TAS1R2: variants seen among roughly 807,000 people sequenced by gnomAD.
The protein encoded by TAS1R2 is taste 1 receptor member 2.
TAS1R2 carries 47 observed loss-of-function variants against 49.3 expected under a neutral mutation model. The ratio of observed to expected loss-of-function variants is 0.95; its 90% CI spans 0.75 to 1.22. The LOEUF is 1.22. TAS1R2 is among the 50% of genes most tolerant of loss of function. The pLI is 0.00. For synonymous variants in TAS1R2, 479 were observed against 467.9 expected, an observed-to-expected ratio of 1.02 and a Z score of -0.31; for missense variants, 1,155 against 1,122.1, an observed-to-expected ratio of 1.03 and a Z score of -0.42.
At chr1:18,842,783 A>C (rs1220775270) in intron 4 of TAS1R2, among the ~76,000 whole-genome samples, 2 of 152,232 alleles carry the variant, frequency 1.3e-5, no homozygotes, top group African/African-American at 4.8e-5. Flanking sequence ...TGGTTGCCAG[A>C]GGCTGGAGGA....
At chr1:18,849,231 T>G in intron 4 of TAS1R2, 110 bp downstream of exon 4, 3 of 1,140,810 alleles carry the variant, frequency 2.6e-6, no homozygotes, top group Non-Finnish European at 3.7e-6. Context: ...CCCCCAGAGA[T>G]TGATAAAGCA....
intron 3 of TAS1R2, among the ~76,000 whole-genome samples, chr1:18,852,338 G>A (rs1447781790): frequency 6.6e-6 from 1 of 152,180 alleles, no homozygotes; most frequent in East Asian, 1.9e-4. Context: ...GGAACAGCTG[G>A]AGTCCAGCCC....
At position 18,854,901 on chromosome 1, in the gene TAS1R2, T is replaced by A; in HGVS notation, c.569A>T (p.His190Leu). The A allele has an allele frequency of 6.2e-7, 1 of 1,613,272 alleles. No homozygotes were observed. Residue 190 changes from histidine to leucine, a missense_variant, in exon 3 of 6, where the codon CAC becomes CTC. Physicochemically the swap from His to Leu is moderately conservative, Grantham distance 99. Coordinates refer to ENST00000375371, the Ensembl canonical transcript of TAS1R2. The surrounding 1 kb of genome is among the most constrained non-coding windows in gnomAD (Gnocchi z 4.9). ...CATCAGCTGCACCATGGCCTCGATG[T>A]GGTGGTCGGCGCTGGGTGTGGTACG...
intron 3 of TAS1R2, among the ~76,000 whole-genome samples, chr1:18,850,042 T>C (rs977047487): frequency 1.3e-5 from 2 of 152,254 alleles, no homozygotes; most frequent in East Asian, 1.9e-4. Flanking sequence ...CAAAGGCCAA[T>C]TGGGGTCTCC....
intron 3 of TAS1R2, among the ~76,000 whole-genome samples, chr1:18,852,653 G>C (rs531446399): frequency 1.3e-5 from 2 of 152,258 alleles, no homozygotes; most frequent in African/African-American, 4.8e-5. Flanking sequence ...CGGGGCACTA[G>C]ATGCCCTCCA....
chr1:18,854,068 A>G lies in TAS1R2; in HGVS notation c.1257+145T>C, dbSNP rs886850433. On this transcript the variant is annotated intron_variant, in intron 3 of 5. Transcript: ENST00000375371. This position sits in a 1 kb window ranked among gnomAD's most constrained non-coding sequence, Gnocchi z 4.9. ...TGGTGAGTGTTCAATTAATTTAAAA[A>G]GCAATTTTGTTTTGGCACCAGGAAG... 2.7e-6 allele frequency: 2 copies of G among 747,862 alleles called. No homozygotes were observed. The highest frequency in any genetic ancestry group is 4.2e-6 in the Non-Finnish European group (2 of 471,362). The allele number at this position is 747,862 out of a possible 1,614,324, so 46.3% of individuals were successfully genotyped here. A position where few individuals can be genotyped will look rare whatever the true frequency, so the allele number is the denominator to read the frequency against.
At position 18,849,479 on chromosome 1, in the gene TAS1R2, G is replaced by A. The variant is rs35775756; in HGVS notation, c.1329C>T (p.Asp443=). Residue 443 remains aspartate (D), a synonymous_variant, in exon 4 of 6, where the codon GAC becomes GAT. Coordinates refer to ENST00000375371, the Ensembl canonical transcript of TAS1R2. ...GGACAATCTCCAAGTGCAGAGCCAC[G>A]TCCCCTTGCGGGTCGAAGAAGATTT... 1.4e-3 allele frequency: 2,203 copies of A among 1,614,252 alleles called. 22 individuals are homozygous for A. In the African/African-American group the frequency reaches 0.025, roughly 18 times the overall value.
At position 18,854,153 on chromosome 1, in the gene TAS1R2, A is replaced by G; in HGVS notation, c.1257+60T>C. 6.5e-7 allele frequency: 1 copy of G among 1,535,280 alleles called. No individual in the cohort carries two copies. Among genetic ancestry groups the G allele is most frequent in the Non-Finnish European group, 8.9e-7 (1 of 1,129,424 alleles). On this transcript the variant is annotated intron_variant, in intron 3 of 5. Coordinates refer to ENST00000375371, the Ensembl canonical transcript of TAS1R2. This position sits in a 1 kb window ranked among gnomAD's most constrained non-coding sequence, Gnocchi z 4.9. ...CATGCCCTTTCACACCCATTTGCCC[A>G]GAACCCCAGGGGAGGAGGATGGAGG...
exon 6 of TAS1R2, chr1:18,840,399 C>G: frequency 6.2e-7 from 1 of 1,614,110 alleles, no homozygotes; most frequent in Non-Finnish European, 8.5e-7. Context: ...AAGCCCAGGG[C>G]GGCCAGCAGG....
At chr1:18,851,385 A>G (rs1339247377) in intron 3 of TAS1R2, among the ~76,000 whole-genome samples, 2 of 152,064 alleles carry the variant, frequency 1.3e-5, no homozygotes, top group Non-Finnish European at 2.9e-5. Flanking sequence ...TGGAGTGCAG[A>G]GGTGCGATCT....
At chr1:18,843,494 T>C (rs1461012590) in intron 4 of TAS1R2, among the ~76,000 whole-genome samples, 2 of 152,210 alleles carry the variant, frequency 1.3e-5, no homozygotes, top group Non-Finnish European at 2.9e-5. Context: ...CAACATAAAT[T>C]GCTCCTGGAA....
intron 4 of TAS1R2, among the ~76,000 whole-genome samples, chr1:18,844,753 GAAA>G (rs869103899): frequency 2.4e-5 from 2 of 84,800 alleles, no homozygotes; most frequent in Non-Finnish European, 5.6e-5. Context: ...GACTGTCTCA[GAAA>G]AAAAAGAAGA....
At position 18,857,490 on chromosome 1, in the gene TAS1R2, G is replaced by T. The variant is rs1297411177; in HGVS notation, c.324C>A (p.Val108=). ...GTGCCAGGAAGTAGAGCACCGGCTG[G>T]ACATTGTTGGAGATGTAGCACACAT... The change falls in exon 2 of 6, where the codon GTC becomes GTA. Residue 108 remains valine, a synonymous_variant. Transcript: ENST00000375371. 4 of 1,614,078 alleles carry T rather than the reference G, an allele frequency of 2.5e-6. No individual in the cohort carries two copies. In the African/African-American group the frequency reaches 5.3e-5, roughly 22 times the overall value.
chr1:18,848,756 T>C (rs1003553006), intron 4 of TAS1R2, among the ~76,000 whole-genome samples: 1 of 152,204 alleles, frequency 6.6e-6, no homozygotes, highest in African/African-American at 2.4e-5. Context: ...ACACTCCTTA[T>C]GAGAATCTAA....
intron 4 of TAS1R2, among the ~76,000 whole-genome samples, chr1:18,844,991 T>A (rs915273455): frequency 1.3e-5 from 2 of 152,166 alleles, no homozygotes; most frequent in African/African-American, 4.8e-5. Flanking sequence ...CTTGACTTGA[T>A]ACAATTCTTC....
intron 4 of TAS1R2, 169 bp downstream of exon 4, chr1:18,849,172 C>G (rs945191149): frequency 5.5e-5 from 40 of 730,156 alleles, no homozygotes; most frequent in African/African-American, 1.6e-4. Context: ...AGTTCCCAAT[C>G]AATGGGGGAA....
At chr1:18,851,872 G>C (rs1244347055) in intron 3 of TAS1R2, among the ~76,000 whole-genome samples, 10 of 152,148 alleles carry the variant, frequency 6.6e-5, no homozygotes, top group African/African-American at 2.2e-4. Flanking sequence ...CCACTCCCTA[G>C]CTGGGTGCCT....
intron 3 of TAS1R2, among the ~76,000 whole-genome samples, chr1:18,851,688 C>T (rs1189841686): frequency 6.6e-6 from 1 of 152,164 alleles, no homozygotes; most frequent in Non-Finnish European, 1.5e-5. Context: ...TTTACCCAAC[C>T]TCCCACTGAT....
At position 18,854,580 on chromosome 1, in the gene TAS1R2, A is replaced by C. The variant is rs779795511; in HGVS notation, c.890T>G (p.Val297Gly). The stretch of plus-strand genomic sequence containing the variant: ...GGCCCAGGACTCGGAGGCGATCCAC[A>C]CGGCGCCAGTGAAGTTCTGGCGCAG... Residue 297 changes from valine (V) to glycine (G), a missense_variant, in exon 3 of 6, where the codon GTG becomes GGG. Coordinates refer to ENST00000375371, the Ensembl canonical transcript of TAS1R2. This position sits in a 1 kb window ranked among gnomAD's most constrained non-coding sequence, Gnocchi z 4.9. The C allele has an allele frequency of 7.4e-6, 12 of 1,613,908 alleles. No homozygotes were observed. The highest frequency in any genetic ancestry group is 1.7e-5 in the Admixed American group (1 of 60,026).
Sources: allele counts gnomAD v4.1 joint callset (sites outside exome capture counted in the v4.1 genomes callset), GRCh38; gene constraint gnomAD v4.1.1; non-coding constraint Gnocchi (gnomAD v3.1); transcripts MANE v1.5; gene names NCBI Gene and HGNC (gene_info 2026-07-23, HGNC 2026-07-21).